The following IGSF1 variants were observed in gnomAD, a reference collection of about 807,000 sequenced individuals.
The protein encoded by IGSF1 is immunoglobulin superfamily member 1.
Under a neutral mutation model 95.3 loss-of-function variants are expected in IGSF1, and 40 were observed. The observed-to-expected ratio is 0.42, with a 90% confidence interval of 0.33 to 0.55. The LOEUF (loss-of-function observed/expected upper bound fraction) is 0.55. IGSF1 is among the 20% of genes least tolerant of loss of function. The pLI is 0.10. For missense variants in IGSF1, 906 were observed against 1,025.4 expected, an observed-to-expected ratio of 0.88 and a Z score of 1.59; for synonymous variants, 372 against 382.9, an observed-to-expected ratio of 0.97 and a Z score of 0.33.
At position 131,275,632 on chromosome X, in the gene IGSF1, T is replaced by C; in HGVS notation, c.3030A>G (p.Ser1010=). ...YILHKEGEAT[S]MQLWGSTSND... Reference sequence around the variant, plus strand: ...TACTGGTGGATCCCCAGAGCTGCATTGAAGTGGCTTCTCCTTCTTTGTGCA... The same window carrying C: ...TACTGGTGGATCCCCAGAGCTGCATCGAAGTGGCTTCTCCTTCTTTGTGCA... The change falls in exon 16 of 20, where the codon TCA becomes TCG. Residue 1010 remains serine (S), a synonymous_variant. Transcript: ENST00000361420. 1.7e-6 allele frequency: 2 copies of C among 1,211,445 alleles called. No individual in the cohort carries two copies. Among genetic ancestry groups the C allele is most frequent in the Non-Finnish European group, 2.2e-6 (2 of 895,344 alleles).
chrX:131,286,842 A>G (rs1285353553), intron 1 of IGSF1, 101 bp from the exon 2 acceptor site: 1 of 392,158 alleles, frequency 2.5e-6, no homozygotes, highest in Non-Finnish European at 4.3e-6. Flanking sequence ...GTACTTCCTC[A>G]CAGGCATGCA....
Position 131,275,155 on chromosome X carries a change from G to A in IGSF1, c.3316C>T (p.Pro1106Ser), listed in dbSNP as rs375099908. 39 of 1,209,794 alleles carry A rather than the reference G, an allele frequency of 3.2e-5. No homozygotes were observed. The highest frequency in any genetic ancestry group is 4.1e-5 in the Non-Finnish European group (37 of 895,101). ...FVLLKEGAQE[P>S]LEQQRPSGYR... ...CCACTTGGCCTCTGTTGCTCTAAAG[G>A]CTCCTGAGCCCCCTCCTTCAACAGG... Residue 1106 changes from proline (P) to serine (S), a missense_variant, in exon 17 of 20, where the codon CCT becomes TCT. Transcript: ENST00000361420.
rs1156554982 is a variant in IGSF1, at chrX:131,286,174, G to A, written c.98-126C>T. The A allele has an allele frequency of 4.4e-5, 28 of 641,769 alleles. No individual in the cohort carries two copies. The East Asian group carries it at 9.4e-4, about 22-fold the overall frequency. The allele number at this position is 641,769 out of a possible 1,213,427, so 52.9% of individuals were successfully genotyped here. ...TCATTTTGTCTTCCCTTGGGGACAG[G>A]AGTGTGCTCCTGTGGGGCATCGTAT... On this transcript the variant is annotated intron_variant, in intron 3 of 19. Coordinates refer to ENST00000361420, the MANE Select transcript of IGSF1 (RefSeq NM_001555.5).
intron 3 of IGSF1, 100 bp downstream of exon 3, chrX:131,286,337 A>G (rs572184949): frequency 6.9e-6 from 5 of 729,505 alleles, no homozygotes; most frequent in East Asian, 3.2e-5. Flanking sequence ...AGCCCAATCT[A>G]TCTCTGGAAT....
At chrX:131,280,487 G>C (rs1188105903) in intron 9 of IGSF1, among the ~76,000 whole-genome samples, 1 of 112,042 alleles carries the variant, frequency 8.9e-6, no homozygotes, top group Non-Finnish European at 1.9e-5. Context: ...CATCCCTACT[G>C]GGTCAGAAGT....
rs778830663 is a variant in IGSF1 at position 131,277,943 on chromosome X, C to T, written c.2233G>A (p.Glu745Lys). 43 of 1,208,958 alleles carry T rather than the reference C, an allele frequency of 3.6e-5. No individual in the cohort carries two copies. The highest frequency in any genetic ancestry group is 4.5e-5 in the Non-Finnish European group (40 of 894,630). Residue 745 changes from glutamate (E) to lysine (K), a missense_variant, in exon 13 of 20, where the codon GAA becomes AAA. Physicochemically the swap from Glu to Lys is moderately conservative, Grantham distance 56. Coordinates refer to ENST00000361420, the MANE Select transcript of IGSF1 (RefSeq NM_001555.5). ...TGAGTGCGGCAGCTGTAATTGCCTT[C>T]GTCTTTATCCTCCATTCTCTGGATT... is the stretch of plus-strand genomic sequence containing the variant. ...FTIQRMEDKD[E>K]GNYSCRTHTE...
In IGSF1 at chrX:131,279,397, G is replaced by C. The variant is rs998320457; in HGVS notation, c.1647-56C>G. ...TTGCTGGGATGAGGGGGAGGGTGGAGGAAAGGGGGCGGCAATTTATGTCAT... is the reference window on the plus strand; with the variant it reads ...TTGCTGGGATGAGGGGGAGGGTGGACGAAAGGGGGCGGCAATTTATGTCAT... On this transcript the variant is annotated intron_variant, in intron 9 of 19. Transcript: ENST00000361420. 3 of 1,030,429 alleles carry C rather than the reference G, an allele frequency of 2.9e-6. No individual in the cohort carries two copies. In the Admixed American group the frequency reaches 6.6e-5, roughly 23 times the overall value. The allele number at this position is 1,030,429 out of a possible 1,213,427, so 84.9% of individuals were successfully genotyped here. A position where few individuals can be genotyped will look rare whatever the true frequency, so the allele number is the denominator to read the frequency against.
intron 7 of IGSF1, 38 bp from the exon 8 acceptor site, chrX:131,281,982 C>G (rs762067982): frequency 8.8e-7 from 1 of 1,130,301 alleles, no homozygotes; most frequent in South Asian, 2.0e-5. Flanking sequence ...GAAGTGACCT[C>G]AAACCCAGTA....
In IGSF1 at chrX:131,281,302, A is replaced by G; in HGVS notation, c.1562T>C (p.Ile521Thr). ...LTWNYVLNEA[I>T]RLSLIMQLVA... is the part of the protein sequence containing the mutation. ...AAGCTGCATGATTAGAGACAACCTGATAGCTTCATTCAGAACGTAATTCCA... is the reference window on the plus strand; with the variant it reads ...AAGCTGCATGATTAGAGACAACCTGGTAGCTTCATTCAGAACGTAATTCCA... The change falls in exon 9 of 20, where the codon ATC (isoleucine) becomes ACC (threonine). Residue 521 changes from isoleucine to threonine, a missense_variant. Ile to Thr is a moderately conservative substitution (Grantham distance 89). Coordinates refer to ENST00000361420, the MANE Select transcript of IGSF1 (RefSeq NM_001555.5). The G allele has an allele frequency of 8.3e-7, 1 of 1,209,192 alleles. No homozygotes were observed. The highest frequency in any genetic ancestry group is 2.3e-4 in the Middle Eastern group (1 of 4,354).
chrX:131,285,031 C>G (rs1291139378), intron 5 of IGSF1, 148 bp downstream of exon 5: 7 of 967,899 alleles, frequency 7.2e-6, no homozygotes, highest in Non-Finnish European at 9.5e-6. Context: ...TAATTTATAT[C>G]TCAGTAAAAC....
At position 131,285,499 on chromosome X, in the gene IGSF1, A is replaced by G. The variant is rs772342245; in HGVS notation, c.380-33T>C. The G allele has an allele frequency of 5.8e-5, 68 of 1,177,420 alleles. No individual in the cohort carries two copies. In the African/African-American group the frequency reaches 1.1e-3, roughly 19 times the overall value. On this transcript the variant is annotated intron_variant, in intron 4 of 19. Coordinates refer to ENST00000361420, the MANE Select transcript of IGSF1 (RefSeq NM_001555.5). ...GATAGAATGAACTGGAATTAGGTAA[A>G]GCAAGGATAGTACTGTCTAGGGAGC...
intron 5 of IGSF1, chrX:131,284,605 G>A (rs1220392833): frequency 1.3e-6 from 1 of 750,412 alleles, no homozygotes; most frequent in African/African-American, 2.3e-5. Context: ...ACATTTTGGG[G>A]AAATTTCTTC....
rs373713899 is a variant in IGSF1, at chrX:131,277,953, C to T, written c.2223G>A (p.Glu741=). Residue 741 remains glutamate, a synonymous_variant, in exon 13 of 20, where the codon GAG becomes GAA. Coordinates refer to ENST00000361420, the MANE Select transcript of IGSF1 (RefSeq NM_001555.5). ...REAFFTIQRM[E]DKDEGNYSCR... ...AGCTGTAATTGCCTTCGTCTTTATC[C>T]TCCATTCTCTGGATTGTAAAGAAGG... The T allele has an allele frequency of 9.1e-6, 11 of 1,209,068 alleles. No individual in the cohort carries two copies. In the East Asian group the frequency reaches 3.0e-4, roughly 33 times the overall value.
chrX:131,282,698 G>A lies in IGSF1; in HGVS notation c.992C>T (p.Ala331Val), dbSNP rs776614400. The change falls in exon 7 of 20, where the codon GCT (alanine) becomes GTT (valine). Residue 331 changes from alanine to valine, a missense_variant. Transcript: ENST00000361420. ...PKTWLLARPSAVVQMGQNVSL... is the reference protein window; with the variant it reads ...PKTWLLARPSVVVQMGQNVSL... ...CACATTCTGACCCATTTGGACCACAGCACTGGGCCGAGCAAGTAGCCAGGT... is the reference window on the plus strand; with the variant it reads ...CACATTCTGACCCATTTGGACCACAACACTGGGCCGAGCAAGTAGCCAGGT... 1.7e-6 allele frequency: 2 copies of A among 1,209,490 alleles called. No individual in the cohort carries two copies. The highest frequency in any genetic ancestry group is 2.2e-6 in the Non-Finnish European group (2 of 893,861).
intron 7 of IGSF1, among the ~76,000 whole-genome samples, chrX:131,282,192 A>C (rs1372561999): frequency 9.0e-6 from 1 of 111,117 alleles, no homozygotes; most frequent in Non-Finnish European, 1.9e-5. Context: ...AAAGAAAAAT[A>C]ATTTTCCCAG....
rs1289763335 is a variant in IGSF1, at chrX:131,275,703, C to T, written c.2959G>A (p.Val987Ile). Reference protein sequence around the residue: ...PSSVVPMGQNVTLWCRGPVHG... With the variant: ...PSSVVPMGQNITLWCRGPVHG... ...ACCGGCCCTCGGCACCAGAGAGTAA[C>T]ATTCTGCCCCATGGGAACCACAGAA... The change falls in exon 16 of 20, where the codon GTT (valine) becomes ATT (isoleucine). Residue 987 changes from valine (V) to isoleucine (I), a missense_variant. Transcript: ENST00000361420. The T allele has an allele frequency of 8.3e-7, 1 of 1,209,564 alleles. No individual in the cohort carries two copies. The highest frequency in any genetic ancestry group is 1.1e-6 in the Non-Finnish European group (1 of 894,662).
At chrX:131,278,786 G>T (rs371097245) in intron 11 of IGSF1, 35 bp from the exon 12 acceptor site, 2 of 1,159,744 alleles carry the variant, frequency 1.7e-6, no homozygotes, top group South Asian at 1.9e-5. Flanking sequence ...CCATCCTCCC[G>T]CCTCCCTTCC....
intron 6 of IGSF1, 91 bp from the exon 7 acceptor site, chrX:131,282,828 C>A: frequency 9.9e-7 from 1 of 1,012,016 alleles, no homozygotes; most frequent in Non-Finnish European, 1.3e-6. Context: ...TCCAAACCAC[C>A]CTTGGAAAAA....
At chrX:131,285,697 A>G in intron 4 of IGSF1, 70 bp downstream of exon 4, 1 of 1,061,173 alleles carries the variant, frequency 9.4e-7, no homozygotes, top group Non-Finnish European at 1.3e-6. Flanking sequence ...TGTGAAACAA[A>G]CTCTCCCCTG....
Sources: gnomAD v4.1 joint callset for allele counts (sites outside exome capture counted in the v4.1 genomes callset) on GRCh38, gnomAD v4.1.1 for gene constraint, MANE v1.5 for transcripts, NCBI Gene and HGNC (gene_info 2026-07-23, HGNC 2026-07-21) for gene names.